Variants in UBE2H observed in about 807,000 individuals in gnomAD.
The protein encoded by UBE2H is ubiquitin-conjugating enzyme E2 H.
UBE2H carries 3 observed loss-of-function variants against 29.0 expected under a neutral mutation model. The observed-to-expected ratio is 0.10, with a 90% CI of 0.05 to 0.27. UBE2H has a LOEUF of 0.27. UBE2H is among the 10% of genes least tolerant of loss of function. UBE2H has a pLI of 1.00. For synonymous variants in UBE2H, 69 were observed against 82.9 expected (o/e 0.83, Z 0.91); for missense variants, 68 against 228.2 (o/e 0.30, Z 4.52).
At chr7:129,903,571 T>C (rs1048973097) in intron 1 of UBE2H, among the ~76,000 whole-genome samples, 19 of 152,138 alleles carry the variant, frequency 1.2e-4, no homozygotes, top group African/African-American at 4.3e-4. Context: ...GAGACCAGCC[T>C]GGGCAACACA....
intron 1 of UBE2H, among the ~76,000 whole-genome samples, chr7:129,928,501 C>T (rs1390928631): frequency 6.6e-6 from 1 of 152,004 alleles, no homozygotes; most frequent in Non-Finnish European, 1.5e-5. Flanking sequence ...TACTCAGAAG[C>T]CTGAGGCAGA....
At chr7:129,850,351 T>G (rs1428195629) in intron 5 of UBE2H, among the ~76,000 whole-genome samples, 8 of 150,650 alleles carry the variant, frequency 5.3e-5, no homozygotes. Flanking sequence ...GGGCAAGACC[T>G]TGTCTCAAAA....
chr7:129,873,426 T>A (rs1806082682), intron 3 of UBE2H, among the ~76,000 whole-genome samples: 1 of 62,700 alleles, frequency 1.6e-5, no homozygotes, highest in Admixed American at 1.9e-4. Flanking sequence ...CATCAAATTC[T>A]TTTTTTTTTT....
chr7:129,931,881 G>C (rs889522684), intron 1 of UBE2H, among the ~76,000 whole-genome samples: 2 of 149,166 alleles, frequency 1.3e-5, no homozygotes, highest in African/African-American at 4.9e-5. Context: ...TGTCACCCAG[G>C]CTGGAGTGCA....
At chr7:129,876,961 A>AAT (rs1339698665) in intron 3 of UBE2H, among the ~76,000 whole-genome samples, 2 of 152,172 alleles carry the variant, frequency 1.3e-5, no homozygotes, top group African/African-American at 4.8e-5. Context: ...CATTATATTG[A>AAT]ATATATATAT....
chr7:129,864,069 C>G (rs773655906), intron 3 of UBE2H, among the ~76,000 whole-genome samples: 1 of 152,202 alleles, frequency 6.6e-6, no homozygotes, highest in Non-Finnish European at 1.5e-5. Flanking sequence ...TGGGGAATTA[C>G]AGGCGTGAGC....
chr7:129,949,788 C>T (rs1807837380), intron 1 of UBE2H, among the ~76,000 whole-genome samples: 1 of 152,152 alleles, frequency 6.6e-6, no homozygotes, highest in Admixed American at 6.5e-5. Context: ...TATAGGTTCC[C>T]TGCCAGGCTG....
intron 1 of UBE2H, among the ~76,000 whole-genome samples, chr7:129,911,199 C>A (rs1279287374): frequency 2.6e-5 from 4 of 151,842 alleles, no homozygotes; most frequent in African/African-American, 9.7e-5. Flanking sequence ...CCTGTCTCTA[C>A]TAAAAATACA....
At chr7:129,898,255 A>G (rs990693144) in intron 1 of UBE2H, among the ~76,000 whole-genome samples, 3 of 152,144 alleles carry the variant, frequency 2.0e-5, no homozygotes, top group Admixed American at 6.5e-5. Flanking sequence ...TCTCAGAGAA[A>G]AAGCCACCCT....
At chr7:129,947,548 T>G (rs1807790224) in intron 1 of UBE2H, among the ~76,000 whole-genome samples, 1 of 152,202 alleles carries the variant, frequency 6.6e-6, no homozygotes, top group Non-Finnish European at 1.5e-5. Context: ...CAAAGTTAAG[T>G]CAAAGACAAA....
chr7:129,877,376 A>C (rs1806166660), intron 3 of UBE2H, among the ~76,000 whole-genome samples: 1 of 152,174 alleles, frequency 6.6e-6, no homozygotes, highest in Non-Finnish European at 1.5e-5. Context: ...CTATCTACAC[A>C]ACTCAAAAAG....
intron 5 of UBE2H, among the ~76,000 whole-genome samples, chr7:129,843,343 AGT>A (rs1399077982): frequency 1.4e-5 from 2 of 145,968 alleles, no homozygotes; most frequent in Non-Finnish European, 3.0e-5. Flanking sequence ...ATGCTTACAT[AGT>A]GCTTACTACA....
Position 129,833,383 on chromosome 7 carries a change from G to A in UBE2H, c.*1554C>T, listed in dbSNP as rs1053646733. The A allele has an allele frequency of 1.3e-5, 2 of 152,462 alleles. No individual in the cohort carries two copies. The highest frequency in any genetic ancestry group is 2.4e-5 in the African/African-American group (1 of 41,432). 9.4% of individuals were successfully genotyped at this position (152,462 alleles called of 1,614,324 possible). A position where few individuals can be genotyped will look rare whatever the true frequency, so the allele number is the denominator to read the frequency against. The stretch of plus-strand genomic sequence containing the variant: ...GATGCTCAAAAATCGTCTTTAGAAG[G>A]TTTTAGGATTGGCTAATTCTGCTAT... On this transcript the variant is annotated 3_prime_UTR_variant, in exon 7 of 7. Coordinates refer to ENST00000355621, the MANE Select transcript of UBE2H (RefSeq NM_003344.4).
chr7:129,884,681 C>G (rs1404952623), intron 1 of UBE2H, among the ~76,000 whole-genome samples: 1 of 151,494 alleles, frequency 6.6e-6, no homozygotes, highest in Non-Finnish European at 1.5e-5. Context: ...CAGTCTCTAC[C>G]TCCCAGTGAT....
intron 1 of UBE2H, among the ~76,000 whole-genome samples, chr7:129,891,774 TG>T (rs1181821942): frequency 1.3e-5 from 2 of 148,280 alleles, no homozygotes; most frequent in African/African-American, 5.1e-5. Flanking sequence ...GTACTCAGCC[TG>T]GGTTACAGAG....
intron 1 of UBE2H, among the ~76,000 whole-genome samples, chr7:129,950,035 A>T (rs1807843840): frequency 6.6e-6 from 1 of 152,002 alleles, no homozygotes; most frequent in Admixed American, 6.6e-5. Flanking sequence ...TTTTTCCTTA[A>T]ATTTTCTGCT....
At chr7:129,848,951 C>T (rs1007673162) in intron 5 of UBE2H, among the ~76,000 whole-genome samples, 2 of 149,180 alleles carry the variant, frequency 1.3e-5, no homozygotes, top group Admixed American at 6.8e-5. Context: ...GTGTATTAGA[C>T]ACTATAATTA....
intron 1 of UBE2H, among the ~76,000 whole-genome samples, chr7:129,910,025 G>A (rs1442527560): frequency 6.6e-6 from 1 of 151,954 alleles, no homozygotes; most frequent in East Asian, 1.9e-4. Context: ...GGCTTGAGGT[G>A]AATATTGAAG....
chr7:129,871,443 G>A lies in UBE2H; in HGVS notation c.205+8125C>T, dbSNP rs571299319. Among the ~76,000 whole-genome samples the A allele has an allele frequency of 3.9e-5, 6 of 152,274 alleles. No homozygotes were observed. The South Asian group carries it at 1.2e-3, about 32-fold the overall frequency. On this transcript the variant is annotated intron_variant, in intron 3 of 6. Transcript: ENST00000355621. ...AAGATACTTATCATTGGCCAGGCAC[G>A]TTGGCTCACGCCTGTAATCCCAGCA... is the stretch of plus-strand genomic sequence containing the variant.
Sources: allele counts gnomAD v4.1 joint callset (sites outside exome capture counted in the v4.1 genomes callset), GRCh38; gene constraint gnomAD v4.1.1; transcripts MANE v1.5; gene names NCBI Gene and HGNC (gene_info 2026-07-23, HGNC 2026-07-21).